The following PARD3B variants were observed in gnomAD, a reference collection of about 807,000 sequenced individuals.
The protein encoded by PARD3B is par-3 family cell polarity regulator beta.
PARD3B carries 103 observed loss-of-function variants against 130.2 expected under a neutral mutation model. The observed-to-expected ratio is 0.79, with a 90% CI of 0.67 to 0.93. The LOEUF (loss-of-function observed/expected upper bound fraction) is 0.93. Ranked by LOEUF, PARD3B falls within the 40% of genes least tolerant of loss-of-function variation. PARD3B has a pLI of 0.00. For missense variants in PARD3B, 1,609 were observed against 1,499.2 expected (o/e 1.07, Z -1.21); for synonymous variants, 583 against 553.2 (o/e 1.05, Z -0.76).
rs149327153 is a variant in PARD3B at position 204,878,127 on chromosome 2, G to A, written c.223-87025G>A. 6.5e-3 allele frequency among the ~76,000 whole-genome samples: 987 copies of A among 152,228 alleles called. 13 individuals are homozygous for A. The highest frequency in any genetic ancestry group is 8.0e-3 in the Non-Finnish European group (544 of 67,998). ...TCAGCAGTTTTGTTGGCACTGTAAAGAAAAAAGTCATGTAACAGCACACCT... is the reference window on the plus strand; with the variant it reads ...TCAGCAGTTTTGTTGGCACTGTAAAAAAAAAAGTCATGTAACAGCACACCT... On this transcript the variant is annotated intron_variant, in intron 2 of 22. Transcript: ENST00000406610.
chr2:204,788,268 C>G (rs559183818), intron 2 of PARD3B, among the ~76,000 whole-genome samples: 10 of 152,304 alleles, frequency 6.6e-5, no homozygotes, highest in African/African-American at 2.4e-4. Context: ...TGCCTTCCAG[C>G]CTGACATTCT....
At chr2:204,791,487 T>A (rs972493365) in intron 2 of PARD3B, among the ~76,000 whole-genome samples, 1 of 152,250 alleles carries the variant, frequency 6.6e-6, no homozygotes, top group Non-Finnish European at 1.5e-5. Flanking sequence ...CTCATTGTTT[T>A]ACTCTACTTC....
chr2:204,822,312 A>T (rs906514235), intron 2 of PARD3B, among the ~76,000 whole-genome samples: 1 of 152,248 alleles, frequency 6.6e-6, no homozygotes, highest in Non-Finnish European at 1.5e-5. Flanking sequence ...ATGAAACTAT[A>T]GTGGATGAGG....
At chr2:204,574,916 CTTAG>C (rs1469772039) in intron 1 of PARD3B, among the ~76,000 whole-genome samples, 1 of 152,152 alleles carries the variant, frequency 6.6e-6, no homozygotes, top group Non-Finnish European at 1.5e-5. Context: ...ACTAAATTTC[CTTAG>C]TTAATTGTTT....
chr2:205,319,760 T>C (rs2105960323), intron 18 of PARD3B, among the ~76,000 whole-genome samples: 1 of 152,344 alleles, frequency 6.6e-6, no homozygotes, highest in East Asian at 1.9e-4. Flanking sequence ...AGAAATCCAT[T>C]CTGGAAATAG....
chr2:205,013,383 A>G (rs1415750628), intron 3 of PARD3B, among the ~76,000 whole-genome samples: 1 of 152,132 alleles, frequency 6.6e-6, no homozygotes, highest in Non-Finnish European at 1.5e-5. Flanking sequence ...TCAGACTTGT[A>G]TATAAATGTC....
intron 1 of PARD3B, among the ~76,000 whole-genome samples, chr2:204,630,239 TGCAAGGGTCAGG>T (rs1294971956): frequency 6.6e-6 from 1 of 152,134 alleles, no homozygotes; most frequent in Non-Finnish European, 1.5e-5. Flanking sequence ...TGTAAAGAAA[TGCAAGGGTCAGG>T]GCAAGGGTAG....
intron 21 of PARD3B, among the ~76,000 whole-genome samples, chr2:205,519,618 G>C (rs1261661192): frequency 1.3e-5 from 2 of 149,886 alleles, no homozygotes; most frequent in African/African-American, 4.9e-5. Flanking sequence ...TCTTGTTAGA[G>C]AGCTGATGAG....
intron 3 of PARD3B, among the ~76,000 whole-genome samples, chr2:204,986,101 CAAAAAAAAAAAAA>C (rs371839271): frequency 2.0e-5 from 1 of 51,240 alleles, no homozygotes; most frequent in Non-Finnish European, 3.3e-5. Flanking sequence ...ACTCTGTCTC[CAAAAAAAAAAAAA>C]AAAAAAAAAA....
chr2:204,803,627 T>G (rs1167231925), intron 2 of PARD3B, among the ~76,000 whole-genome samples: 1 of 152,178 alleles, frequency 6.6e-6, no homozygotes, highest in Non-Finnish European at 1.5e-5. Context: ...ATGCAACCAG[T>G]GTTGTCGTCA....
intron 4 of PARD3B, among the ~76,000 whole-genome samples, chr2:205,069,620 G>A (rs1457724900): frequency 6.6e-6 from 1 of 151,928 alleles, no homozygotes; most frequent in Non-Finnish European, 1.5e-5. Flanking sequence ...TACTTACTGT[G>A]ATACAACAAG....
chr2:204,712,863 A>G (rs2038522713), intron 2 of PARD3B, among the ~76,000 whole-genome samples: 1 of 152,150 alleles, frequency 6.6e-6, no homozygotes, highest in Admixed American at 6.5e-5. Flanking sequence ...AATTGGTATT[A>G]TAGAATATTC....
At chr2:205,114,208 G>A (rs1231148689) in intron 6 of PARD3B, among the ~76,000 whole-genome samples, 1 of 152,010 alleles carries the variant, frequency 6.6e-6, no homozygotes, top group Non-Finnish European at 1.5e-5. Flanking sequence ...AACACTTCTT[G>A]AAATTTACAT....
intron 1 of PARD3B, among the ~76,000 whole-genome samples, chr2:204,575,462 G>A (rs2032209050): frequency 6.6e-6 from 1 of 152,124 alleles, no homozygotes; most frequent in Non-Finnish European, 1.5e-5. Flanking sequence ...GTAAATTATT[G>A]ACCCTCTGAA....
rs187755563 is a variant in PARD3B, at chr2:204,774,791, C to T, written c.222+88509C>T. On this transcript the variant is annotated intron_variant, in intron 2 of 22. Coordinates refer to ENST00000406610, the MANE Select transcript of PARD3B (RefSeq NM_001302769.2). ...GTATTTCTAAGAAGTTACCCATAGC[C>T]GGAATTTGCTCAGTATGCTTTCTGT... 3.9e-5 allele frequency among the ~76,000 whole-genome samples: 6 copies of T among 152,122 alleles called. 1 individual carries two copies. Among genetic ancestry groups the T allele is most frequent in the Admixed American group, 3.3e-4 (5 of 15,250 alleles).
chr2:204,795,985 T>C (rs1279440651), intron 2 of PARD3B, among the ~76,000 whole-genome samples: 1 of 152,238 alleles, frequency 6.6e-6, no homozygotes, highest in African/African-American at 2.4e-5. Context: ...TGTTTCCTAA[T>C]CACTCTACAT....
At chr2:204,761,670 A>G (rs1036763843) in intron 2 of PARD3B, among the ~76,000 whole-genome samples, 1 of 151,990 alleles carries the variant, frequency 6.6e-6, no homozygotes, top group African/African-American at 2.4e-5. Flanking sequence ...CAATTATCAC[A>G]GTTTAGATGT....
At chr2:204,734,419 A>G (rs1475149675) in intron 2 of PARD3B, among the ~76,000 whole-genome samples, 3 of 152,174 alleles carry the variant, frequency 2.0e-5, no homozygotes, top group Admixed American at 6.5e-5. Flanking sequence ...CTTAAAAGAA[A>G]TGAAACTTAT....
chr2:205,441,612 A>G (rs978782513), intron 20 of PARD3B, among the ~76,000 whole-genome samples: 4 of 152,180 alleles, frequency 2.6e-5, no homozygotes, highest in African/African-American at 7.2e-5. Context: ...CCCAGTCCCT[A>G]TTAGTAACCA....
Sources: allele counts gnomAD v4.1 joint callset (sites outside exome capture counted in the v4.1 genomes callset), GRCh38; gene constraint gnomAD v4.1.1; transcripts MANE v1.5; gene names NCBI Gene and HGNC (gene_info 2026-07-23, HGNC 2026-07-21).